The following COL28A1 variants were observed in gnomAD, a reference collection of about 807,000 sequenced individuals.
The protein encoded by COL28A1 is collagen type XXVIII alpha 1 chain.
In COL28A1, 161 loss-of-function variants were observed where a neutral mutation model predicts 150.2. The observed-to-expected ratio is 1.07, with a 90% CI of 0.94 to 1.22. The LOEUF is 1.22. Among genes scored for constraint, COL28A1 ranks in the 50% most tolerant of loss-of-function variants. The probability of loss-of-function intolerance (pLI) is 0.00; values close to 1 mark genes in which losing one functional copy is unlikely to be tolerated. For missense variants in COL28A1, 1,617 were observed against 1,388.3 expected (o/e 1.16, Z -2.62); for synonymous variants, 552 against 469.7 (o/e 1.18, Z -2.26).
intron 27 of COL28A1, among the ~76,000 whole-genome samples, chr7:7,401,937 A>T (rs567442114): frequency 1.3e-5 from 2 of 152,156 alleles, no homozygotes; most frequent in Non-Finnish European, 2.9e-5. Context: ...AATTTATTCT[A>T]TCCATTGCCT....
At chr7:7,497,072 A>G (rs1780250153) in intron 11 of COL28A1, among the ~76,000 whole-genome samples, 1 of 144,656 alleles carries the variant, frequency 6.9e-6, no homozygotes. Context: ...GAAGGAAGAA[A>G]GGAAGGAAGA....
chr7:7,482,843 G>C (rs1001937436), intron 13 of COL28A1, among the ~76,000 whole-genome samples: 2 of 152,114 alleles, frequency 1.3e-5, no homozygotes, highest in African/African-American at 4.8e-5. Context: ...ATCAAAACTC[G>C]AGAACTCTAG....
intron 7 of COL28A1, among the ~76,000 whole-genome samples, chr7:7,517,242 T>C (rs1781465423): frequency 6.6e-6 from 1 of 152,106 alleles, no homozygotes; most frequent in African/African-American, 2.4e-5. Flanking sequence ...GGCAATGTCA[T>C]ATGGTCTTCT....
intron 15 of COL28A1, among the ~76,000 whole-genome samples, chr7:7,457,462 G>A (rs1315886990): frequency 2.0e-5 from 3 of 152,170 alleles, no homozygotes; most frequent in African/African-American, 4.8e-5. Context: ...TTGAGGTGGA[G>A]GGTGATATCA....
In COL28A1 at chr7:7,373,979, G is replaced by C. The variant is rs930258257; in HGVS notation, c.2360-433C>G. 6.8e-6 allele frequency among the ~76,000 whole-genome samples: 1 copy of C among 146,424 alleles called. No individual in the cohort carries two copies. Among genetic ancestry groups the C allele is most frequent in the South Asian group, 2.1e-4 (1 of 4,704 alleles). Reference sequence around the variant, plus strand: ...CTCCCAAAGTGCTGGGATTACAGGCGTGAGCCACCGCGCCCGGCCCCTTCT... The same window carrying C: ...CTCCCAAAGTGCTGGGATTACAGGCCTGAGCCACCGCGCCCGGCCCCTTCT... On this transcript the variant is annotated intron_variant, in intron 31 of 34. Coordinates refer to ENST00000399429, the MANE Select transcript of COL28A1 (RefSeq NM_001037763.3). The surrounding 1 kb of genome is among the most constrained non-coding windows in gnomAD (Gnocchi z 4.1).
At chr7:7,446,613 G>A (rs1011518287) in intron 18 of COL28A1, among the ~76,000 whole-genome samples, 9 of 152,064 alleles carry the variant, frequency 5.9e-5, no homozygotes, top group African/African-American at 1.7e-4. Context: ...TATTTTATGA[G>A]GCTTATAAAG....
chr7:7,503,315 G>A (rs1475865332), intron 11 of COL28A1, among the ~76,000 whole-genome samples: 1 of 152,188 alleles, frequency 6.6e-6, no homozygotes, highest in South Asian at 2.1e-4. Flanking sequence ...AATAGATCAT[G>A]TCTCAAAAGG....
rs62639681 is a variant in COL28A1, at chr7:7,380,445, C to T, written c.2322+215G>A. Among the ~76,000 whole-genome samples, 941 of 152,222 alleles carry T rather than the reference C, an allele frequency of 6.2e-3. 4 individuals are homozygous for T. The highest frequency in any genetic ancestry group is 0.01 in the Non-Finnish European group (713 of 67,998). Reference sequence around the variant, plus strand: ...ATCCGAGTGGAGTAGTCACACACACCCACCACAAGGCAGGACAAGGTTTTA... The same window carrying T: ...ATCCGAGTGGAGTAGTCACACACACTCACCACAAGGCAGGACAAGGTTTTA... On this transcript the variant is annotated intron_variant, in intron 30 of 34. Coordinates refer to ENST00000399429, the MANE Select transcript of COL28A1 (RefSeq NM_001037763.3).
Position 7,476,155 on chromosome 7 carries a change from A to G in COL28A1, c.1233+957T>C, listed in dbSNP as rs576387813. Among the ~76,000 whole-genome samples the G allele has an allele frequency of 9.5e-4, 145 of 152,316 alleles. 1 individual carries two copies. Among genetic ancestry groups the G allele is most frequent in the African/African-American group, 3.2e-3 (134 of 41,582 alleles). On this transcript the variant is annotated intron_variant, in intron 14 of 34. Transcript: ENST00000399429. ...ATGACTGATGTGGAGGGTCTCAGAC[A>G]CTTAGAAAGCAGCATGTACTTCTCC...
chr7:7,370,811 A>C lies in COL28A1; in HGVS notation c.2980T>G (p.Ser994Ala). The change falls in exon 33 of 35, where the codon TCA becomes GCA. Residue 994 changes from serine to alanine, a missense_variant. Physicochemically the swap from Ser to Ala is moderately conservative, Grantham distance 99. Transcript: ENST00000399429. ...FDSYLVQIFGSSSPQPGFGMS... is the reference protein window; with the variant it reads ...FDSYLVQIFGASSPQPGFGMS... ...CCAAATCCAGGTTGAGGTGACGATGAACCAAAAATTTGAACGAGATAGGAA... is the reference window on the plus strand; with the variant it reads ...CCAAATCCAGGTTGAGGTGACGATGCACCAAAAATTTGAACGAGATAGGAA... 6.2e-7 allele frequency: 1 copy of C among 1,613,868 alleles called. No individual in the cohort carries two copies. Among genetic ancestry groups the C allele is most frequent in the Non-Finnish European group, 8.5e-7 (1 of 1,179,782 alleles).
At chr7:7,451,073 G>C (rs1206088213) in intron 18 of COL28A1, among the ~76,000 whole-genome samples, 2 of 152,046 alleles carry the variant, frequency 1.3e-5, no homozygotes, top group African/African-American at 4.8e-5. Context: ...AGTGGGATTG[G>C]GGAGTGCCAG....
Position 7,531,473 on chromosome 7 carries a change from T to C in COL28A1, c.556A>G (p.Ile186Val). Residue 186 changes from isoleucine to valine, a missense_variant, in exon 3 of 35, where the codon ATC (isoleucine) becomes GTC (valine). Transcript: ENST00000399429. ...EDARISGISF[I>V]TIALSTVVNE... ...ACTACCGTAGAAAGTGCAATGGTGA[T>C]AAATGATATTCCTGAAATTCTGGCA... 6.2e-7 allele frequency: 1 copy of C among 1,601,622 alleles called. No individual in the cohort carries two copies. Among genetic ancestry groups the C allele is most frequent in the Non-Finnish European group, 8.6e-7 (1 of 1,168,710 alleles).
chr7:7,394,379 A>C (rs1215024705), intron 27 of COL28A1, among the ~76,000 whole-genome samples: 1 of 152,198 alleles, frequency 6.6e-6, no homozygotes, highest in Non-Finnish European at 1.5e-5. Flanking sequence ...GTTCCTATTC[A>C]GCCATCTTGC....
At chr7:7,441,505 T>G (rs796264497) in intron 20 of COL28A1, among the ~76,000 whole-genome samples, 1 of 143,714 alleles carries the variant, frequency 7.0e-6, no homozygotes, top group East Asian at 2.0e-4. Flanking sequence ...TATCCAGGGA[T>G]GTACACAGCT....
At chr7:7,533,550 G>C (rs542437618) in intron 1 of COL28A1, among the ~76,000 whole-genome samples, 1 of 152,076 alleles carries the variant, frequency 6.6e-6, no homozygotes, top group South Asian at 2.1e-4. Context: ...AAGAGTATGA[G>C]AGCAAAAATA....
chr7:7,437,418 T>C lies in COL28A1; in HGVS notation c.1767A>G (p.Ser589=). Residue 589 remains serine (S), a synonymous_variant, in exon 22 of 35, where the codon TCA becomes TCG. Coordinates refer to ENST00000399429, the MANE Select transcript of COL28A1 (RefSeq NM_001037763.3). ...IMGPFGMPGT[S]IPGPPGPKGD... ...CCTTTGGCCCAGGTGGTCCAGGAAT[T>C]GATGTTCCAGGCATTCCAAAAGGGC... 1 of 1,613,548 alleles carries C rather than the reference T, an allele frequency of 6.2e-7. No individual in the cohort carries two copies. The highest frequency in any genetic ancestry group is 8.5e-7 in the Non-Finnish European group (1 of 1,179,838).
rs1478947907 is a variant in COL28A1 at position 7,373,019 on chromosome 7, C to A, written c.2887G>T (p.Asp963Tyr). The A allele has an allele frequency of 1.9e-6, 3 of 1,613,838 alleles. No individual in the cohort carries two copies. Among genetic ancestry groups the A allele is most frequent in the Non-Finnish European group, 2.5e-6 (3 of 1,179,868 alleles). Reference protein sequence around the residue: ...ATDPEHVYQFDDFFTLQDTLK... With the variant: ...ATDPEHVYQFYDFFTLQDTLK... ...TTACCTTGCAGGGTAAAGAAATCAT[C>A]AAACTGGTAAACATGCTCTGGGTCA... Residue 963 changes from aspartate (D) to tyrosine (Y), a missense_variant, in exon 32 of 35, where the codon GAT becomes TAT. Coordinates refer to ENST00000399429, the MANE Select transcript of COL28A1 (RefSeq NM_001037763.3). This position sits in a 1 kb window ranked among gnomAD's most constrained non-coding sequence, Gnocchi z 4.1.
chr7:7,504,011 T>C (rs1036164964), intron 11 of COL28A1, among the ~76,000 whole-genome samples: 3 of 152,182 alleles, frequency 2.0e-5, no homozygotes, highest in African/African-American at 7.2e-5. Flanking sequence ...AGTCCTCAAA[T>C]GCTTTTGGAA....
At chr7:7,432,725 T>A in intron 23 of COL28A1, 25 bp from the exon 24 acceptor site, 2 of 1,591,520 alleles carry the variant, frequency 1.3e-6, no homozygotes, top group Non-Finnish European at 1.7e-6. Context: ...ACATCAGTGA[T>A]ATCATGAGAC....
Sources: allele counts gnomAD v4.1 joint callset (sites outside exome capture counted in the v4.1 genomes callset), GRCh38; gene constraint gnomAD v4.1.1; non-coding constraint Gnocchi (gnomAD v3.1); transcripts MANE v1.5; gene names NCBI Gene and HGNC (gene_info 2026-07-23, HGNC 2026-07-21).